Variants in ACTR3 observed in about 807,000 individuals in gnomAD.
ACTR3 encodes actin related protein 3.
Under a neutral mutation model 56.8 loss-of-function variants are expected in ACTR3, and 12 were observed. The observed-to-expected ratio is 0.21, with a 90% CI of 0.14 to 0.34. The LOEUF (loss-of-function observed/expected upper bound fraction) is 0.34, where lower values mean the gene tolerates loss of function less well. Among genes scored for constraint, ACTR3 ranks in the 10% least tolerant of loss-of-function variants. The pLI is 1.00. For synonymous variants in ACTR3, 162 were observed against 167.4 expected (o/e 0.97, Z 0.25); for missense variants, 282 against 512.5 (o/e 0.55, Z 4.34).
intron 5 of ACTR3, among the ~76,000 whole-genome samples, chr2:113,931,612 G>A (rs1400958180): frequency 6.6e-6 from 1 of 151,992 alleles, no homozygotes; most frequent in Non-Finnish European, 1.5e-5. Context: ...GTAAGTTAGT[G>A]GTGTTTGGGT....
At chr2:113,905,148 A>C (rs1679170107) in intron 1 of ACTR3, 1 of 152,066 alleles carries the variant, frequency 6.6e-6, no homozygotes, top group Admixed American at 6.6e-5. Context: ...ATTTTCTTTT[A>C]AACTTTATAT....
rs1330549523 is a variant in ACTR3 at position 113,957,503 on chromosome 2, C to T, written c.*48C>T. The stretch of plus-strand genomic sequence containing the variant: ...GTTAGGGAGGTGGGGAAGAGATAAT[C>T]TTTCTGATTACCTGTTTTGTCTGGA... On this transcript the variant is annotated 3_prime_UTR_variant, in exon 12 of 12. Coordinates refer to ENST00000263238, the MANE Select transcript of ACTR3 (RefSeq NM_005721.5). 168 of 1,468,590 alleles carry T rather than the reference C, an allele frequency of 1.1e-4. No individual in the cohort carries two copies. The highest frequency in any genetic ancestry group is 1.5e-4 in the Non-Finnish European group (160 of 1,050,270). The allele number at this position is 1,468,590 out of a possible 1,614,324, so 91.0% of individuals were successfully genotyped here.
chr2:113,903,911 C>T (rs1163010443), intron 1 of ACTR3, among the ~76,000 whole-genome samples: 2 of 151,564 alleles, frequency 1.3e-5, no homozygotes, highest in Non-Finnish European at 2.9e-5. Flanking sequence ...GGCTGGAGTG[C>T]AGTGGTTTGA....
chr2:113,897,434 A>C (rs938658401), intron 1 of ACTR3, among the ~76,000 whole-genome samples: 1 of 151,980 alleles, frequency 6.6e-6, no homozygotes, highest in African/African-American at 2.4e-5. Context: ...AATTCTTTCC[A>C]AACTGTCGAT....
At chr2:113,947,139 T>C (rs965092668) in intron 8 of ACTR3, among the ~76,000 whole-genome samples, 1 of 152,216 alleles carries the variant, frequency 6.6e-6, no homozygotes, top group Non-Finnish European at 1.5e-5. Context: ...TCATTTCATT[T>C]AAGGCACATC....
chr2:113,897,959 T>A (rs985593941), intron 1 of ACTR3, among the ~76,000 whole-genome samples: 2 of 152,270 alleles, frequency 1.3e-5, no homozygotes, highest in Middle Eastern at 6.8e-3. Flanking sequence ...TTTGTGAAAA[T>A]GCAATGCTCT....
chr2:113,946,357 G>A lies in ACTR3; in HGVS notation c.858+3998G>A, dbSNP rs545477121. Among the ~76,000 whole-genome samples, 619 of 151,394 alleles carry A rather than the reference G, an allele frequency of 4.1e-3. 3 individuals are homozygous for A. Among genetic ancestry groups the A allele is most frequent in the Non-Finnish European group, 7.3e-3 (495 of 67,850 alleles). ...TATTTTCTCTTTCCTTCATTTTTTA[G>A]GAGGGATGGTGTGAGAATATTTTTT... On this transcript the variant is annotated intron_variant, in intron 8 of 11. Transcript: ENST00000263238.
At chr2:113,906,837 GT>G (rs768888395) in intron 1 of ACTR3, among the ~76,000 whole-genome samples, 2 of 152,110 alleles carry the variant, frequency 1.3e-5, no homozygotes, top group Non-Finnish European at 2.9e-5. Flanking sequence ...GTACCATACT[GT>G]TTTGGTCACT....
chr2:113,950,501 G>A (rs1680101059), intron 8 of ACTR3, among the ~76,000 whole-genome samples: 1 of 152,216 alleles, frequency 6.6e-6, no homozygotes, highest in Admixed American at 6.5e-5. Flanking sequence ...ACACGTGCAT[G>A]TCCATGAATA....
chr2:113,913,161 T>C lies in ACTR3; in HGVS notation c.45-11T>C. 6.6e-7 allele frequency: 1 copy of C among 1,525,606 alleles called. No homozygotes were observed. The highest frequency in any genetic ancestry group is 2.0e-5 in the Admixed American group (1 of 51,008). The allele number at this position is 1,525,606 out of a possible 1,614,324, so 94.5% of individuals were successfully genotyped here. ...ATTAGTGAAATCTTTATAAATTATT[T>C]TGTTTTGCAGGTATACAAAACTAGG... is the stretch of plus-strand genomic sequence containing the variant. On this transcript the variant is annotated splice_polypyrimidine_tract_variant and intron_variant, in intron 1 of 11. Coordinates refer to ENST00000263238, the MANE Select transcript of ACTR3 (RefSeq NM_005721.5).
At chr2:113,946,861 C>A (rs1370859966) in intron 8 of ACTR3, among the ~76,000 whole-genome samples, 1 of 152,174 alleles carries the variant, frequency 6.6e-6, no homozygotes, top group Non-Finnish European at 1.5e-5. Context: ...TTGTTATACA[C>A]GGTCTGGAAG....
chr2:113,891,271 A>C (rs1678889183), intron 1 of ACTR3, among the ~76,000 whole-genome samples: 1 of 152,212 alleles, frequency 6.6e-6, no homozygotes. Context: ...GTATTCGTTC[A>C]TTCTGTGATG....
intron 8 of ACTR3, among the ~76,000 whole-genome samples, chr2:113,945,839 G>A (rs751946049): frequency 2.6e-4 from 39 of 151,996 alleles, no homozygotes; most frequent in African/African-American, 8.7e-4. Context: ...GTTTCCCTCC[G>A]TATGTACATG....
intron 3 of ACTR3, 87 bp downstream of exon 3, chr2:113,917,095 C>A (rs894906018): frequency 3.6e-6 from 4 of 1,112,362 alleles, no homozygotes; most frequent in African/African-American, 3.2e-5. Context: ...CTATAATAGA[C>A]CTTATTAATA....
chr2:113,948,414 C>T (rs1021458637), intron 8 of ACTR3, among the ~76,000 whole-genome samples: 5 of 152,242 alleles, frequency 3.3e-5, no homozygotes, highest in Admixed American at 6.5e-5. Flanking sequence ...CCTCCCAAAG[C>T]GCTGGGATTA....
rs763408839 is a variant in ACTR3 at position 113,951,752 on chromosome 2, C to T, written c.984C>T (p.Phe328=). Residue 328 remains phenylalanine, a synonymous_variant, in exon 10 of 12, where the codon TTC becomes TTT. Coordinates refer to ENST00000263238, the MANE Select transcript of ACTR3 (RefSeq NM_005721.5). ...NIVLSGGSTM[F]RDFGRRLQRD... The stretch of plus-strand genomic sequence containing the variant: ...TCCTCTCTGGAGGTTCAACCATGTT[C>T]AGGGACTTTGGACGTCGCTTGCAAA... The T allele has an allele frequency of 6.2e-7, 1 of 1,613,304 alleles. No individual in the cohort carries two copies. Among genetic ancestry groups the T allele is most frequent in the South Asian group, 1.1e-5 (1 of 91,036 alleles).
At chr2:113,925,352 C>T (rs1043215923) in intron 3 of ACTR3, among the ~76,000 whole-genome samples, 39 of 150,822 alleles carry the variant, frequency 2.6e-4, no homozygotes, top group African/African-American at 6.6e-4. Context: ...TGCACCACCA[C>T]GCCTGGCTAA....
At chr2:113,897,676 G>A (rs1288602326) in intron 1 of ACTR3, among the ~76,000 whole-genome samples, 3 of 151,724 alleles carry the variant, frequency 2.0e-5, no homozygotes, top group Non-Finnish European at 2.9e-5. Context: ...ATAGGCACCC[G>A]CCACGATGCC....
intron 2 of ACTR3, among the ~76,000 whole-genome samples, chr2:113,915,523 C>G (rs1679389234): frequency 6.6e-6 from 1 of 152,192 alleles, no homozygotes; most frequent in African/African-American, 2.4e-5. Context: ...TGGTGATACA[C>G]AATTCAACCT....
Sources: gnomAD v4.1 joint callset for allele counts (sites outside exome capture counted in the v4.1 genomes callset) on GRCh38, gnomAD v4.1.1 for gene constraint, MANE v1.5 for transcripts, NCBI Gene and HGNC (gene_info 2026-07-23, HGNC 2026-07-21) for gene names.